Variants in TMOD3 observed in about 807,000 individuals in gnomAD.
TMOD3 encodes tropomodulin 3.
A neutral mutation model predicts 39.2 loss-of-function variants in TMOD3; 20 were observed. The ratio of observed to expected loss-of-function variants is 0.51; its 90% CI spans 0.36 to 0.74. The LOEUF is 0.74. TMOD3 is among the 30% of genes least tolerant of loss of function. The pLI is 0.00. For synonymous variants in TMOD3, 143 were observed against 145.8 expected (o/e 0.98, Z 0.14); for missense variants, 381 against 412.8 (o/e 0.92, Z 0.67).
At chr15:51,882,903 A>G (rs1166291814) in intron 3 of TMOD3, among the ~76,000 whole-genome samples, 1 of 152,200 alleles carries the variant, frequency 6.6e-6, no homozygotes, top group Non-Finnish European at 1.5e-5. Context: ...TGTATTCGTA[A>G]TGCTAAACTT....
At position 51,909,837 on chromosome 15, in the gene TMOD3, A is replaced by G. The variant is rs150466758; in HGVS notation, c.*1027A>G. The G allele has an allele frequency of 2.6e-4, 40 of 152,336 alleles. No individual in the cohort carries two copies. Among genetic ancestry groups the G allele is most frequent in the African/African-American group, 8.7e-4 (36 of 41,570 alleles). 9.4% of individuals were successfully genotyped at this position (152,336 alleles called of 1,614,324 possible). ...CTATGTGCAGTGCAGAATTGCATAA[A>G]CAGTATTTAATCACTGCTACAAATC... On this transcript the variant is annotated 3_prime_UTR_variant, in exon 10 of 10. Coordinates refer to ENST00000308580, the MANE Select transcript of TMOD3 (RefSeq NM_014547.5).
Position 51,887,621 on chromosome 15 carries a change from CAG to C in TMOD3, c.318_319del (p.Gln106HisfsTer10). On this transcript the variant is annotated frameshift_variant, in exon 4 of 10. Transcript: ENST00000308580. LOFTEE classifies it high-confidence loss of function. The part of the protein sequence containing the change: ...KIFIPKQKPV[Q>X]TFTEEKVSLD... ...ATTTATCCCCAAACAGAAACCTGTA[CAG>C]ACTTTTACAGAAGAAAAAGTGTCTC... is the stretch of plus-strand genomic sequence containing the variant. The C allele has an allele frequency of 6.2e-7, 1 of 1,613,696 alleles. No individual in the cohort carries two copies. Among genetic ancestry groups the C allele is most frequent in the Non-Finnish European group, 8.5e-7 (1 of 1,179,814 alleles).
Position 51,893,852 on chromosome 15 carries a change from T to G in TMOD3, c.534T>G (p.Asp178Glu). ...VKGEKILPVF[D>E]EPPNPTNVEE... is the part of the protein sequence containing the mutation. ...GTGAAAAGATTCTTCCGGTATTTGA[T>G]GAGCCACCAAATCCAACCAATGTAG... Residue 178 changes from aspartate (D) to glutamate (E), a missense_variant, in exon 6 of 10, where the codon GAT becomes GAG. Transcript: ENST00000308580. 6.2e-7 allele frequency: 1 copy of G among 1,609,596 alleles called. No individual in the cohort carries two copies. Among genetic ancestry groups the G allele is most frequent in the South Asian group, 1.1e-5 (1 of 90,400 alleles).
chr15:51,859,272 A>G, intron 1 of TMOD3: 1 of 738,664 alleles, frequency 1.4e-6, no homozygotes. Context: ...TCGCCAGTAG[A>G]TCTGTCTGCA....
intron 1 of TMOD3, among the ~76,000 whole-genome samples, chr15:51,849,728 C>T (rs978985573): frequency 6.6e-6 from 1 of 152,074 alleles, no homozygotes; most frequent in Non-Finnish European, 1.5e-5. Flanking sequence ...GTCAGGAGTT[C>T]AAGGCCAGCC....
chr15:51,891,793 G>A (rs529199280), intron 5 of TMOD3, among the ~76,000 whole-genome samples: 2 of 152,308 alleles, frequency 1.3e-5, no homozygotes, highest in East Asian at 3.9e-4. Flanking sequence ...GAACTTAAGT[G>A]AGAGGGATCC....
chr15:51,910,008 T>G lies in TMOD3; in HGVS notation c.*1198T>G, dbSNP rs565929698. 8 of 152,346 alleles carry G rather than the reference T, an allele frequency of 5.3e-5. No homozygotes were observed. Among genetic ancestry groups the G allele is most frequent in the African/African-American group, 1.4e-4 (6 of 41,568 alleles). The allele number at this position is 152,346 out of a possible 1,614,324, so 9.4% of individuals were successfully genotyped here. A position where few individuals can be genotyped will look rare whatever the true frequency, so the allele number is the denominator to read the frequency against. ...TTGCTCAAAGTATTAAGGTGAACAATTGAATAGAGTACTGTGGTCGGGAGA... is the reference window on the plus strand; with the variant it reads ...TTGCTCAAAGTATTAAGGTGAACAAGTGAATAGAGTACTGTGGTCGGGAGA... On this transcript the variant is annotated 3_prime_UTR_variant, in exon 10 of 10. Coordinates refer to ENST00000308580, the MANE Select transcript of TMOD3 (RefSeq NM_014547.5).
intron 1 of TMOD3, chr15:51,859,941 T>G: frequency 1.8e-6 from 1 of 545,812 alleles, no homozygotes; most frequent in Non-Finnish European, 3.7e-6. Flanking sequence ...CTCTTCCCTC[T>G]GAGGAACCCA....
chr15:51,840,451 A>T (rs1489645190), intron 1 of TMOD3, among the ~76,000 whole-genome samples: 1 of 152,206 alleles, frequency 6.6e-6, no homozygotes, highest in Non-Finnish European at 1.5e-5. Context: ...AGTGATGTAT[A>T]TATGTTATCC....
chr15:51,833,310 G>C (rs2056265462), intron 1 of TMOD3: 1 of 152,194 alleles, frequency 6.6e-6, no homozygotes, highest in Non-Finnish European at 1.5e-5. Flanking sequence ...AGATGCATTT[G>C]TGTAGTCTTG....
chr15:51,900,380 G>A (rs2056644126), intron 8 of TMOD3, 82 bp downstream of exon 8: 2 of 1,515,066 alleles, frequency 1.3e-6, no homozygotes, highest in East Asian at 2.3e-5. Context: ...ATGGGGATGG[G>A]AGGCGGGCTG....
rs2056700263 is a variant in TMOD3, at chr15:51,909,668, A to C, written c.*858A>C. On this transcript the variant is annotated 3_prime_UTR_variant, in exon 10 of 10. Transcript: ENST00000308580. ...AAGAGAAAAAAGAAAACTGTTAAAC[A>C]ATGAAATCAAAGATAATAAATATGA... is the stretch of plus-strand genomic sequence containing the variant. 6.6e-6 allele frequency: 1 copy of C among 152,290 alleles called. No individual in the cohort carries two copies. 9.4% of individuals were successfully genotyped at this position (152,290 alleles called of 1,614,324 possible). A position where few individuals can be genotyped will look rare whatever the true frequency, so the allele number is the denominator to read the frequency against.
At chr15:51,891,168 G>T (rs1290632206) in intron 5 of TMOD3, among the ~76,000 whole-genome samples, 1 of 150,924 alleles carries the variant, frequency 6.6e-6, no homozygotes, top group Non-Finnish European at 1.5e-5. Context: ...CTCAAAAAAG[G>T]TTACACACTG....
chr15:51,848,137 G>A (rs2056344904), intron 1 of TMOD3, among the ~76,000 whole-genome samples: 1 of 152,202 alleles, frequency 6.6e-6, no homozygotes, highest in African/African-American at 2.4e-5. Flanking sequence ...TGGAAATTGT[G>A]AGAAATAAAT....
intron 3 of TMOD3, among the ~76,000 whole-genome samples, chr15:51,872,854 C>T (rs1352710870): frequency 2.0e-5 from 3 of 152,132 alleles, no homozygotes; most frequent in Non-Finnish European, 4.4e-5. Flanking sequence ...CATTCTCTGT[C>T]ATGGAGGAGC....
intron 3 of TMOD3, among the ~76,000 whole-genome samples, chr15:51,870,361 T>C (rs1413994598): frequency 6.6e-6 from 1 of 152,232 alleles, no homozygotes; most frequent in African/African-American, 2.4e-5. Context: ...CGTTCACTCT[T>C]ACTTGGAATA....
At chr15:51,863,469 T>G (rs752932860) in intron 2 of TMOD3, among the ~76,000 whole-genome samples, 1 of 152,224 alleles carries the variant, frequency 6.6e-6, no homozygotes, top group Non-Finnish European at 1.5e-5. Flanking sequence ...TTTCCAGACA[T>G]TGGTAGAATA....
In TMOD3 at chr15:51,846,686, A is replaced by G. The variant is rs1383170515; in HGVS notation, c.-74-16125A>G. Among the ~76,000 whole-genome samples the G allele has an allele frequency of 2.0e-5, 3 of 152,336 alleles. No homozygotes were observed. In the South Asian group the frequency reaches 6.2e-4, roughly 32 times the overall value. ...TTCCCTGTAAGCCACTTCATATCAT[A>G]TTTGGTTTTGTTCACAGTAGGACTG... On this transcript the variant is annotated intron_variant, in intron 1 of 9. Coordinates refer to ENST00000308580, the MANE Select transcript of TMOD3 (RefSeq NM_014547.5).
intron 2 of TMOD3, among the ~76,000 whole-genome samples, chr15:51,867,681 A>G (rs1410294350): frequency 1.3e-5 from 2 of 152,210 alleles, no homozygotes; most frequent in African/African-American, 2.4e-5. Flanking sequence ...GTCACTGCCA[A>G]TATTGGGAGG....
Sources: allele counts gnomAD v4.1 joint callset (sites outside exome capture counted in the v4.1 genomes callset), GRCh38; gene constraint gnomAD v4.1.1; transcripts MANE v1.5; gene names NCBI Gene and HGNC (gene_info 2026-07-23, HGNC 2026-07-21).